The following AKAP6 variants were observed in gnomAD, a reference collection of about 807,000 sequenced individuals.
AKAP6 encodes A-kinase anchoring protein 6, also known as A-kinase anchor protein 6.
A neutral mutation model predicts 188.5 loss-of-function variants in AKAP6; 58 were observed. The observed-to-expected ratio is 0.31, with a 90% CI of 0.25 to 0.38. The LOEUF (loss-of-function observed/expected upper bound fraction) is 0.38. Ranked by LOEUF, AKAP6 falls within the 10% of genes least tolerant of loss-of-function variation. The pLI is 1.00. For synonymous variants in AKAP6, 989 were observed against 998.6 expected (o/e 0.99, Z 0.18); for missense variants, 2,710 against 2,740.0 (o/e 0.99, Z 0.24).
At chr14:32,406,307 T>C (rs556669737) in intron 1 of AKAP6, among the ~76,000 whole-genome samples, 46 of 152,168 alleles carry the variant, frequency 3.0e-4, no homozygotes, top group Non-Finnish European at 5.3e-4. Context: ...CCTCCTGGGT[T>C]CAAGCGATTC....
chr14:32,523,491 CGGG>C (rs1298255698), intron 2 of AKAP6, among the ~76,000 whole-genome samples: 1 of 142,682 alleles, frequency 7.0e-6, no homozygotes, highest in Non-Finnish European at 1.5e-5. Flanking sequence ...TTTTTTGAGA[CGGG>C]GTCTGATTCT....
At chr14:32,636,452 G>A (rs1887490843) in intron 7 of AKAP6, among the ~76,000 whole-genome samples, 1 of 152,112 alleles carries the variant, frequency 6.6e-6, no homozygotes, top group African/African-American at 2.4e-5. Flanking sequence ...AAATATTCGA[G>A]TTCTTCTATA....
chr14:32,671,545 A>G (rs1465293086), intron 7 of AKAP6, among the ~76,000 whole-genome samples: 1 of 151,716 alleles, frequency 6.6e-6, no homozygotes. Flanking sequence ...GCTAATGTGC[A>G]ATAGGAATAA....
intron 5 of AKAP6, among the ~76,000 whole-genome samples, chr14:32,595,771 G>T (rs2139334607): frequency 6.6e-6 from 1 of 152,162 alleles, no homozygotes; most frequent in Non-Finnish European, 1.5e-5. Flanking sequence ...TGTTTAGTTT[G>T]CTTAAGGCCC....
At chr14:32,730,658 A>T (rs982892148) in intron 9 of AKAP6, among the ~76,000 whole-genome samples, 3 of 152,140 alleles carry the variant, frequency 2.0e-5, no homozygotes, top group African/African-American at 7.2e-5. Flanking sequence ...GAGTAATACC[A>T]TGTGGCATAA....
intron 1 of AKAP6, among the ~76,000 whole-genome samples, chr14:32,332,374 C>T (rs1480047247): frequency 1.3e-5 from 2 of 152,020 alleles, no homozygotes; most frequent in Non-Finnish European, 2.9e-5. Context: ...ATGTCATTTG[C>T]AACACTAAGG....
rs560038595 is a variant in AKAP6, at chr14:32,432,515, T to C, written c.-34-945T>C. Among the ~76,000 whole-genome samples, 4 of 152,320 alleles carry C rather than the reference T, an allele frequency of 2.6e-5. No individual in the cohort carries two copies. In the East Asian group the frequency reaches 7.7e-4, roughly 29 times the overall value. ...ATTCCAGAAGCCTCTAAAAATTCCATATAACCAAATATTAATGTAATTTAG... is the reference window on the plus strand; with the variant it reads ...ATTCCAGAAGCCTCTAAAAATTCCACATAACCAAATATTAATGTAATTTAG... On this transcript the variant is annotated intron_variant, in intron 1 of 13. Coordinates refer to ENST00000280979, the MANE Select transcript of AKAP6 (RefSeq NM_004274.5).
intron 2 of AKAP6, among the ~76,000 whole-genome samples, chr14:32,485,448 A>G (rs1300633172): frequency 1.3e-5 from 2 of 152,004 alleles, no homozygotes; most frequent in African/African-American, 2.4e-5. Context: ...AAGCATTCCT[A>G]TTTCTCCATA....
intron 8 of AKAP6, among the ~76,000 whole-genome samples, chr14:32,694,009 G>A (rs185664844): frequency 2.0e-5 from 3 of 151,964 alleles, no homozygotes; most frequent in East Asian, 3.9e-4. Context: ...TTAGTCTTTC[G>A]AAATGGGATA....
At position 32,821,539 on chromosome 14, in the gene AKAP6, C is replaced by T. The variant is rs1566735036; in HGVS notation, c.3726C>T (p.Leu1242=). ...NEESNDLDQE[L]QPVIPSLKLG... is the part of the protein sequence containing the mutation. ...AATCAAATGACCTTGATCAAGAACT[C>T]CAACCTGTTATCCCTTCCTTGAAGC... The change falls in exon 13 of 14, where the codon CTC becomes CTT. Residue 1242 remains leucine, a synonymous_variant. Transcript: ENST00000280979. The T allele has an allele frequency of 6.2e-7, 1 of 1,613,684 alleles. No homozygotes were observed. Among genetic ancestry groups the T allele is most frequent in the Non-Finnish European group, 8.5e-7 (1 of 1,179,838 alleles).
At chr14:32,463,332 T>A (rs781321226) in intron 2 of AKAP6, among the ~76,000 whole-genome samples, 15 of 152,074 alleles carry the variant, frequency 9.9e-5, no homozygotes, top group African/African-American at 3.6e-4. Context: ...TATTCTAAAA[T>A]CAACCGCATA....
rs114004071 is a variant in AKAP6, at chr14:32,658,465, C to T, written c.2731-19846C>T. Among the ~76,000 whole-genome samples the T allele has an allele frequency of 4.2e-3, 640 of 152,150 alleles. 2 individuals are homozygous for T. The highest frequency in any genetic ancestry group is 0.015 in the African/African-American group (610 of 41,550). On this transcript the variant is annotated intron_variant, in intron 7 of 13. Transcript: ENST00000280979. ...GAGAAAAATAACATAGTAGTCATAA[C>T]TTTGCAGTTTTTTGTGATGCATGAA...
At chr14:32,827,138 G>A (rs1234633369) in intron 13 of AKAP6, among the ~76,000 whole-genome samples, 1 of 152,122 alleles carries the variant, frequency 6.6e-6, no homozygotes, top group Non-Finnish European at 1.5e-5. Flanking sequence ...ATGTTGACAT[G>A]CCTTCAGTAT....
chr14:32,808,855 A>G (rs1368085559), intron 12 of AKAP6, among the ~76,000 whole-genome samples: 2 of 152,154 alleles, frequency 1.3e-5, no homozygotes, highest in African/African-American at 4.8e-5. Context: ...CACCAGCTGC[A>G]TGGAGCAGTG....
intron 2 of AKAP6, among the ~76,000 whole-genome samples, chr14:32,459,466 A>G (rs1262357598): frequency 6.6e-6 from 1 of 152,158 alleles, no homozygotes; most frequent in Non-Finnish European, 1.5e-5. Flanking sequence ...TTCAACACAT[A>G]CATAATAGAA....
chr14:32,381,260 A>G (rs1463397855), intron 1 of AKAP6, among the ~76,000 whole-genome samples: 1 of 152,062 alleles, frequency 6.6e-6, no homozygotes, highest in Non-Finnish European at 1.5e-5. Flanking sequence ...GAAGTGCTTG[A>G]ACCTGGGAGG....
intron 7 of AKAP6, among the ~76,000 whole-genome samples, chr14:32,636,253 A>G (rs992711800): frequency 6.6e-6 from 1 of 152,150 alleles, no homozygotes; most frequent in Admixed American, 6.6e-5. Flanking sequence ...CAGAACAAGC[A>G]AATGATGTCT....
At chr14:32,627,015 G>A (rs150806627) in intron 7 of AKAP6, among the ~76,000 whole-genome samples, 1 of 152,194 alleles carries the variant, frequency 6.6e-6, no homozygotes, top group Non-Finnish European at 1.5e-5. Flanking sequence ...CCCTACATTT[G>A]TGGCTTTATG....
chr14:32,711,942 T>C (rs1490977755), intron 9 of AKAP6, among the ~76,000 whole-genome samples: 1 of 151,960 alleles, frequency 6.6e-6, no homozygotes, highest in Non-Finnish European at 1.5e-5. Context: ...TTCAGTATTT[T>C]CTCTTTGGTG....
Sources: gnomAD v4.1 joint callset for allele counts (sites outside exome capture counted in the v4.1 genomes callset) on GRCh38, gnomAD v4.1.1 for gene constraint, MANE v1.5 for transcripts, NCBI Gene and HGNC (gene_info 2026-07-23, HGNC 2026-07-21) for gene names.